The following WWOX variants were observed in gnomAD, a reference collection of about 807,000 sequenced individuals.
The protein encoded by WWOX is WW domain containing oxidoreductase.
A neutral mutation model predicts 46.2 loss-of-function variants in WWOX; 69 were observed. The ratio of observed to expected loss-of-function variants is 1.49; its 90% confidence interval spans 1.23 to 1.82. The LOEUF (loss-of-function observed/expected upper bound fraction) is 1.82. Ranked by LOEUF, WWOX falls within the 40% of genes most tolerant of loss-of-function variation. The pLI is 0.00. For synonymous variants in WWOX, 359 were observed against 202.6 expected, an observed-to-expected ratio of 1.77 and a Z score of -6.56; for missense variants, 919 against 542.6, an observed-to-expected ratio of 1.69 and a Z score of -6.89.
At chr16:78,244,287 T>C (rs1395313607) in intron 5 of WWOX, among the ~76,000 whole-genome samples, 1 of 152,178 alleles carries the variant, frequency 6.6e-6, no homozygotes, top group African/African-American at 2.4e-5. Context: ...CATAAGGAAG[T>C]GGTCAGTGTT....
At chr16:78,299,526 T>C (rs538448161) in intron 5 of WWOX, among the ~76,000 whole-genome samples, 81 of 129,530 alleles carry the variant, frequency 6.3e-4, no homozygotes, top group African/African-American at 1.9e-3. Flanking sequence ...CTTTTCTTTT[T>C]TTTTTTTTTG....
rs905151502 is a variant in WWOX, at chr16:78,742,253, G to A, written c.1056+309501G>A. Among the ~76,000 whole-genome samples the A allele has an allele frequency of 5.3e-5, 8 of 152,192 alleles. No homozygotes were observed. In the South Asian group the frequency reaches 1.4e-3, roughly 28 times the overall value. ...CTTATTTTTACTGATAATAGTCCATGATCAAGGCAGTTTGGAGACCACTCA... is the reference window on the plus strand; with the variant it reads ...CTTATTTTTACTGATAATAGTCCATAATCAAGGCAGTTTGGAGACCACTCA... On this transcript the variant is annotated intron_variant, in intron 8 of 8. Transcript: ENST00000566780.
intron 8 of WWOX, among the ~76,000 whole-genome samples, chr16:78,577,827 T>G (rs990290781): frequency 6.6e-6 from 1 of 152,164 alleles, no homozygotes; most frequent in Non-Finnish European, 1.5e-5. Context: ...TTAGCACATG[T>G]ACAGATGACC....
intron 5 of WWOX, among the ~76,000 whole-genome samples, chr16:78,287,711 C>T (rs1195859747): frequency 6.6e-6 from 1 of 152,062 alleles, no homozygotes; most frequent in African/African-American, 2.4e-5. Flanking sequence ...CTCTGATTTT[C>T]GATTCATGAT....
At chr16:78,297,173 C>G (rs2079955903) in intron 5 of WWOX, among the ~76,000 whole-genome samples, 1 of 152,150 alleles carries the variant, frequency 6.6e-6, no homozygotes, top group Non-Finnish European at 1.5e-5. Context: ...CTCCTAGTCA[C>G]AAGACCTTTC....
chr16:78,334,731 A>C (rs1458435758), intron 5 of WWOX, among the ~76,000 whole-genome samples: 1 of 151,840 alleles, frequency 6.6e-6, no homozygotes, highest in African/African-American at 2.4e-5. Context: ...ATGCTAACCC[A>C]TATGGGAGAA....
At chr16:78,166,438 T>G (rs2034973806) in intron 5 of WWOX, among the ~76,000 whole-genome samples, 2 of 152,240 alleles carry the variant, frequency 1.3e-5, no homozygotes, top group South Asian at 4.1e-4. Context: ...TTTATTTACG[T>G]ATTTGTGAGT....
At chr16:78,786,826 T>C (rs555903321) in intron 8 of WWOX, among the ~76,000 whole-genome samples, 57 of 152,356 alleles carry the variant, frequency 3.7e-4, no homozygotes, top group East Asian at 5.8e-4. Flanking sequence ...GATTTTTAAA[T>C]TGTGGTAAGA....
chr16:78,278,200 T>G (rs1018599032), intron 5 of WWOX, among the ~76,000 whole-genome samples: 3 of 152,184 alleles, frequency 2.0e-5, no homozygotes, highest in Non-Finnish European at 4.4e-5. Context: ...TAAGAGTTTG[T>G]GAGTGTGTGT....
intron 8 of WWOX, among the ~76,000 whole-genome samples, chr16:78,946,849 G>T (rs777475472): frequency 4.6e-5 from 7 of 152,268 alleles, no homozygotes; most frequent in Non-Finnish European, 1.0e-4. Flanking sequence ...GCGTCACGGT[G>T]TAAGAATGGC....
At chr16:78,542,346 T>C (rs548564759) in intron 8 of WWOX, among the ~76,000 whole-genome samples, 3 of 152,178 alleles carry the variant, frequency 2.0e-5, no homozygotes, top group African/African-American at 4.8e-5. Context: ...CTGGAGAACA[T>C]CATGTAGAAT....
At chr16:78,932,745 A>G (rs1222083704) in intron 8 of WWOX, among the ~76,000 whole-genome samples, 1 of 152,160 alleles carries the variant, frequency 6.6e-6, no homozygotes, top group Non-Finnish European at 1.5e-5. Flanking sequence ...AGGGCCTGGG[A>G]AGTGGTAGGG....
At chr16:78,507,714 G>T (rs1036039149) in intron 8 of WWOX, among the ~76,000 whole-genome samples, 1 of 152,054 alleles carries the variant, frequency 6.6e-6, no homozygotes, top group Non-Finnish European at 1.5e-5. Context: ...GGATTTGCTT[G>T]AATTATAATA....
chr16:78,421,209 T>C (rs953380620), intron 6 of WWOX, among the ~76,000 whole-genome samples: 1 of 152,216 alleles, frequency 6.6e-6, no homozygotes, highest in African/African-American at 2.4e-5. Flanking sequence ...AATTTTACTC[T>C]CTTACAGTTT....
rs1489270207 is a variant in WWOX, at chr16:78,673,602, G to C, written c.1056+240850G>C. 2.0e-5 allele frequency among the ~76,000 whole-genome samples: 3 copies of C among 152,260 alleles called. No individual in the cohort carries two copies. In the East Asian group the frequency reaches 5.8e-4, roughly 29 times the overall value. The stretch of plus-strand genomic sequence containing the variant: ...ACGTTGGCAGGCACCCATTAGTGTT[G>C]GTTACGACTTGCTAAAAGAAAATAT... On this transcript the variant is annotated intron_variant, in intron 8 of 8. Transcript: ENST00000566780.
intron 8 of WWOX, among the ~76,000 whole-genome samples, chr16:78,963,807 C>G (rs573311950): frequency 6.6e-6 from 1 of 152,252 alleles, no homozygotes; most frequent in South Asian, 2.1e-4. Flanking sequence ...GTGTCCCCAC[C>G]CAAATCTTAA....
At chr16:78,246,218 A>C (rs1052795138) in intron 5 of WWOX, among the ~76,000 whole-genome samples, 3 of 152,218 alleles carry the variant, frequency 2.0e-5, no homozygotes, top group African/African-American at 7.2e-5. Flanking sequence ...ACAGTTTGTT[A>C]TTACATGGAA....
At chr16:78,831,557 A>G (rs1439082741) in intron 8 of WWOX, among the ~76,000 whole-genome samples, 1 of 152,188 alleles carries the variant, frequency 6.6e-6, no homozygotes, top group African/African-American at 2.4e-5. Flanking sequence ...AGCATCAGTG[A>G]CCTGCACACC....
At chr16:78,914,858 G>A (rs1483859764) in intron 8 of WWOX, among the ~76,000 whole-genome samples, 1 of 134,056 alleles carries the variant, frequency 7.5e-6, no homozygotes, top group Non-Finnish European at 1.5e-5. Flanking sequence ...CCGCCCGGGT[G>A]ACAGAGCGAG....
Sources: gnomAD v4.1 joint callset for allele counts (sites outside exome capture counted in the v4.1 genomes callset) on GRCh38, gnomAD v4.1.1 for gene constraint, MANE v1.5 for transcripts, NCBI Gene and HGNC (gene_info 2026-07-23, HGNC 2026-07-21) for gene names.